The following OSBPL11 variants were observed in gnomAD, a reference collection of about 807,000 sequenced individuals.
OSBPL11 encodes oxysterol binding protein like 11, also known as oxysterol-binding protein-related protein 11.
In OSBPL11, 33 loss-of-function variants were observed where a neutral mutation model predicts 84.4. That is an observed-to-expected ratio of 0.39 (90% CI 0.30 to 0.52). The LOEUF (loss-of-function observed/expected upper bound fraction) is 0.52. Among genes scored for constraint, OSBPL11 ranks in the 20% least tolerant of loss-of-function variants. The pLI, the probability that OSBPL11 is intolerant of heterozygous loss-of-function variation, is 0.72. For missense variants in OSBPL11, 736 were observed against 901.1 expected (o/e 0.82, Z 2.35); for synonymous variants, 276 against 310.2 (o/e 0.89, Z 1.16).
intron 6 of OSBPL11, among the ~76,000 whole-genome samples, chr3:125,566,875 C>A (rs1039858913): frequency 5.3e-5 from 8 of 151,804 alleles, no homozygotes; most frequent in African/African-American, 1.9e-4. Context: ...GCCTTGGACT[C>A]CTGGGCTCGG....
intron 11 of OSBPL11, among the ~76,000 whole-genome samples, chr3:125,532,693 T>TA (rs1487227364): frequency 6.6e-6 from 1 of 151,884 alleles, no homozygotes; most frequent in Non-Finnish European, 1.5e-5. Context: ...TGTAGTAAGT[T>TA]AAACATAAAA....
chr3:125,545,553 G>C (rs1935799482), intron 10 of OSBPL11, among the ~76,000 whole-genome samples: 1 of 152,006 alleles, frequency 6.6e-6, no homozygotes. Flanking sequence ...TGTAGGCAAA[G>C]ATAGTCTTTA....
At chr3:125,555,099 T>G (rs1580048611) in intron 8 of OSBPL11, among the ~76,000 whole-genome samples, 1 of 152,264 alleles carries the variant, frequency 6.6e-6, no homozygotes, top group East Asian at 1.9e-4. Context: ...AATCAGCTGC[T>G]AGGATAAAAG....
rs867987150 is a variant in OSBPL11, at chr3:125,529,824, A to T, written c.*691T>A. On this transcript the variant is annotated 3_prime_UTR_variant, in exon 13 of 13. Coordinates refer to ENST00000296220, the MANE Select transcript of OSBPL11 (RefSeq NM_022776.5). Reference sequence around the variant, plus strand: ...TTTCAAGTCAATGTTGTTTTCAAGTATATTAAAATGCTCAGAAGAAAAAAT... The same window carrying T: ...TTTCAAGTCAATGTTGTTTTCAAGTTTATTAAAATGCTCAGAAGAAAAAAT... 3 of 152,672 alleles carry T rather than the reference A, an allele frequency of 2.0e-5. No individual in the cohort carries two copies. The highest frequency in any genetic ancestry group is 1.3e-4 in the Admixed American group (2 of 15,282). 9.5% of individuals were successfully genotyped at this position (152,672 alleles called of 1,614,324 possible).
intron 5 of OSBPL11, among the ~76,000 whole-genome samples, chr3:125,569,740 C>A (rs1936215504): frequency 6.6e-6 from 1 of 152,184 alleles, no homozygotes; most frequent in African/African-American, 2.4e-5. Flanking sequence ...TATTGTACAG[C>A]AATGAAAAGG....
chr3:125,565,402 G>C (rs1936138825), intron 6 of OSBPL11, among the ~76,000 whole-genome samples: 1 of 152,102 alleles, frequency 6.6e-6, no homozygotes, highest in Non-Finnish European at 1.5e-5. Flanking sequence ...GTTCAACACA[G>C]GGATATAGTT....
At chr3:125,541,895 A>C (rs1272559179) in intron 10 of OSBPL11, among the ~76,000 whole-genome samples, 2 of 152,166 alleles carry the variant, frequency 1.3e-5, no homozygotes, top group Non-Finnish European at 2.9e-5. Flanking sequence ...CAAATCTTGC[A>C]GTTAGTAAAT....
intron 8 of OSBPL11, among the ~76,000 whole-genome samples, chr3:125,557,791 CTTT>C (rs11295103): frequency 1.7e-3 from 139 of 81,954 alleles, no homozygotes; most frequent in Middle Eastern, 0.011. Context: ...ATACAACTTT[CTTT>C]TTTTTTTTTT....
intron 11 of OSBPL11, among the ~76,000 whole-genome samples, chr3:125,536,661 C>T (rs1935643728): frequency 6.6e-6 from 1 of 152,064 alleles, no homozygotes; most frequent in African/African-American, 2.4e-5. Flanking sequence ...AAAATGTCTA[C>T]CTAACATTGA....
intron 5 of OSBPL11, among the ~76,000 whole-genome samples, chr3:125,568,156 T>C (rs1259726442): frequency 2.6e-5 from 4 of 152,082 alleles, no homozygotes; most frequent in Admixed American, 6.6e-5. Context: ...TTAAAAGACC[T>C]GGCACTTTTT....
chr3:125,563,956 C>T, intron 6 of OSBPL11, 113 bp from the exon 7 acceptor site: 2 of 1,186,442 alleles, frequency 1.7e-6, no homozygotes, highest in Non-Finnish European at 2.4e-6. Flanking sequence ...GCAATTAAAC[C>T]TGTTAAGAGA....
intron 10 of OSBPL11, among the ~76,000 whole-genome samples, chr3:125,545,952 G>T (rs1935807035): frequency 6.6e-6 from 1 of 152,042 alleles, no homozygotes; most frequent in Non-Finnish European, 1.5e-5. Flanking sequence ...ACATGAAGAA[G>T]ACCTTAGTTA....
chr3:125,560,766 T>C (rs948879240), intron 7 of OSBPL11, among the ~76,000 whole-genome samples: 1 of 152,210 alleles, frequency 6.6e-6, no homozygotes, highest in Non-Finnish European at 1.5e-5. Context: ...TATTTTTCTT[T>C]TTTGGGGGGA....
At chr3:125,582,498 C>G (rs1221905333) in intron 2 of OSBPL11, among the ~76,000 whole-genome samples, 1 of 152,192 alleles carries the variant, frequency 6.6e-6, no homozygotes, top group South Asian at 2.1e-4. Flanking sequence ...TGCTTCCTGA[C>G]AGCTTGTGTG....
chr3:125,574,135 C>CT (rs1414219230), intron 5 of OSBPL11, among the ~76,000 whole-genome samples: 2 of 152,028 alleles, frequency 1.3e-5, no homozygotes, highest in Non-Finnish European at 2.9e-5. Flanking sequence ...AGTTATTTGC[C>CT]TTTTTCACTG....
intron 9 of OSBPL11, among the ~76,000 whole-genome samples, chr3:125,550,928 G>A (rs1008043693): frequency 1.3e-5 from 2 of 152,120 alleles, no homozygotes; most frequent in Non-Finnish European, 2.9e-5. Flanking sequence ...TGGAGGTGGA[G>A]GCCAAAGGAT....
intron 2 of OSBPL11, 142 bp from the exon 3 acceptor site, chr3:125,580,182 C>G (rs1304750436): frequency 4.2e-6 from 3 of 716,198 alleles, no homozygotes; most frequent in Non-Finnish European, 6.8e-6. Flanking sequence ...TACCTGGAAA[C>G]ACTACACTGA....
chr3:125,544,416 A>G (rs1935780746), intron 10 of OSBPL11, among the ~76,000 whole-genome samples: 1 of 152,208 alleles, frequency 6.6e-6, no homozygotes, highest in Non-Finnish European at 1.5e-5. Flanking sequence ...AAAAACAGTT[A>G]TATAAATGTT....
At chr3:125,560,829 G>A (rs537194349) in intron 7 of OSBPL11, among the ~76,000 whole-genome samples, 5 of 152,164 alleles carry the variant, frequency 3.3e-5, no homozygotes, top group South Asian at 4.1e-4. Flanking sequence ...CTCCAGAGTC[G>A]CTGGGATTAC....
Sources: allele counts gnomAD v4.1 joint callset (sites outside exome capture counted in the v4.1 genomes callset), GRCh38; gene constraint gnomAD v4.1.1; transcripts MANE v1.5; gene names NCBI Gene and HGNC (gene_info 2026-07-23, HGNC 2026-07-21).